The following TENM2 variants were observed in gnomAD, a reference collection of about 807,000 sequenced individuals.
The protein encoded by TENM2 is teneurin-2.
A neutral mutation model predicts 245.2 loss-of-function variants in TENM2; 52 were observed. The observed-to-expected ratio is 0.21, with a 90% confidence interval of 0.17 to 0.27. The LOEUF is 0.27. TENM2 is among the 10% of genes least tolerant of loss of function. TENM2 has a pLI of 1.00. For missense variants in TENM2, 3,046 were observed against 3,666.8 expected (o/e 0.83, Z 4.37); for synonymous variants, 1,363 against 1,438.9 (o/e 0.95, Z 1.19).
At chr5:167,411,339 T>C (rs1762895766) in intron 2 of TENM2, among the ~76,000 whole-genome samples, 1 of 152,154 alleles carries the variant, frequency 6.6e-6, no homozygotes, top group Non-Finnish European at 1.5e-5. Flanking sequence ...TACAAATTCC[T>C]TTGCCCAATA....
intron 5 of TENM2, among the ~76,000 whole-genome samples, chr5:168,036,121 T>G (rs1787641359): frequency 6.6e-6 from 1 of 152,084 alleles, no homozygotes; most frequent in Non-Finnish European, 1.5e-5. Flanking sequence ...AGGCCTGGCT[T>G]GGGGATTTCC....
At chr5:168,245,245 T>C (rs1028262015) in intron 26 of TENM2, among the ~76,000 whole-genome samples, 5 of 147,858 alleles carry the variant, frequency 3.4e-5, no homozygotes, top group Admixed American at 1.3e-4. Flanking sequence ...GCGGGGGTGC[T>C]AGACGCTCAG....
chr5:167,100,616 C>T, the TENM2 span, among the ~76,000 whole-genome samples: 1 of 151,978 alleles, frequency 6.6e-6, no homozygotes, highest in East Asian at 1.9e-4. Context: ...TTCCATCTTT[C>T]TTGCCACCCC....
At chr5:167,652,058 C>T (rs1187528005) in intron 2 of TENM2, among the ~76,000 whole-genome samples, 1 of 152,164 alleles carries the variant, frequency 6.6e-6, no homozygotes, top group Non-Finnish European at 1.5e-5. Context: ...TTCTCTTTCC[C>T]TTGCTATCTT....
At chr5:167,488,335 A>G (rs1768214498) in intron 2 of TENM2, among the ~76,000 whole-genome samples, 1 of 152,200 alleles carries the variant, frequency 6.6e-6, no homozygotes, top group African/African-American at 2.4e-5. Flanking sequence ...ACACTCCAGT[A>G]AAGCTTTAGA....
intron 2 of TENM2, among the ~76,000 whole-genome samples, chr5:167,498,031 A>T (rs1487295899): frequency 1.3e-5 from 2 of 152,058 alleles, no homozygotes; most frequent in African/African-American, 2.4e-5. Flanking sequence ...CTTTGTGGGG[A>T]CTGACCAAAG....
At chr5:167,418,466 T>C (rs1206413820) in intron 2 of TENM2, among the ~76,000 whole-genome samples, 1 of 152,186 alleles carries the variant, frequency 6.6e-6, no homozygotes, top group African/African-American at 2.4e-5. Flanking sequence ...TGTTGCTATA[T>C]TATATTTTAA....
intron 2 of TENM2, among the ~76,000 whole-genome samples, chr5:167,574,716 T>A (rs1582427872): frequency 6.6e-6 from 1 of 152,322 alleles, no homozygotes; most frequent in South Asian, 2.1e-4. Context: ...AGGTGCTGTT[T>A]GATAAACCTT....
chr5:167,762,197 A>T (rs1274014241), intron 2 of TENM2, among the ~76,000 whole-genome samples: 1 of 152,072 alleles, frequency 6.6e-6, no homozygotes, highest in Non-Finnish European at 1.5e-5. Flanking sequence ...ATGGATACGC[A>T]GCTCTAAGGT....
chr5:167,322,954 T>C lies in TENM2; in HGVS notation c.226+37891T>C, dbSNP rs77264013. Among the ~76,000 whole-genome samples the C allele has an allele frequency of 3.4e-3, 518 of 152,326 alleles. 1 individual carries two copies. The highest frequency in any genetic ancestry group is 5.7e-3 in the Non-Finnish European group (385 of 68,034). On this transcript the variant is annotated intron_variant, in intron 1 of 28. Coordinates refer to ENST00000518659, the Ensembl canonical transcript of TENM2. Reference sequence around the variant, plus strand: ...CCTTTAGCAATTATAATTCACAGAATAGAAATAGTCATGTGCTATTATTAT... The same window carrying C: ...CCTTTAGCAATTATAATTCACAGAACAGAAATAGTCATGTGCTATTATTAT...
intron 2 of TENM2, among the ~76,000 whole-genome samples, chr5:167,570,920 G>A (rs1263745573): frequency 1.3e-5 from 2 of 152,242 alleles, no homozygotes. Flanking sequence ...TTGGAGAAAG[G>A]GCTTGCTTCG....
At chr5:167,239,687 A>G in the TENM2 span, among the ~76,000 whole-genome samples, 3 of 152,264 alleles carry the variant, frequency 2.0e-5, no homozygotes, top group Admixed American at 6.5e-5. Context: ...AATAAAGAAC[A>G]TCTCTCAATA....
intron 9 of TENM2, among the ~76,000 whole-genome samples, chr5:168,098,943 A>G (rs867240958): frequency 2.0e-5 from 3 of 152,012 alleles, no homozygotes; most frequent in African/African-American, 7.2e-5. Flanking sequence ...ATAGAGTCTC[A>G]CTGTCGCCCA....
intron 2 of TENM2, among the ~76,000 whole-genome samples, chr5:167,825,247 C>T (rs1458268074): frequency 3.3e-5 from 5 of 151,626 alleles, no homozygotes; most frequent in Non-Finnish European, 7.4e-5. Context: ...CAGATCACAG[C>T]TAATGAGTAC....
the TENM2 span, among the ~76,000 whole-genome samples, chr5:167,158,846 C>CCCTTCCTT: frequency 0.092 from 7,942 of 85,862 alleles, 625 homozygotes; most frequent in South Asian, 0.12. Context: ...TCCATAGCAG[C>CCCTTCCTT]CCTTCCTTCC....
intron 2 of TENM2, among the ~76,000 whole-genome samples, chr5:167,712,153 G>T (rs923487071): frequency 2.0e-5 from 3 of 152,084 alleles, no homozygotes; most frequent in African/African-American, 7.2e-5. Flanking sequence ...CCCAAATGAT[G>T]CTTTACTTCC....
chr5:167,001,017 T>C, the TENM2 span, among the ~76,000 whole-genome samples: 1 of 152,194 alleles, frequency 6.6e-6, no homozygotes, highest in East Asian at 1.9e-4. Flanking sequence ...ATGCATTGGC[T>C]GATTGGTTTG....
At chr5:167,693,570 CA>C (rs1440372685) in intron 2 of TENM2, among the ~76,000 whole-genome samples, 1 of 138,662 alleles carries the variant, frequency 7.2e-6, no homozygotes, top group Non-Finnish European at 1.5e-5. Context: ...GGGTAACTGT[CA>C]TAATGCCAAA....
chr5:167,444,719 G>A (rs1207464006), intron 2 of TENM2, among the ~76,000 whole-genome samples: 1 of 152,112 alleles, frequency 6.6e-6, no homozygotes, highest in African/African-American at 2.4e-5. Context: ...AATATGATGG[G>A]AATCTGTGTC....
Sources: allele counts gnomAD v4.1 joint callset (sites outside exome capture counted in the v4.1 genomes callset), GRCh38; gene constraint gnomAD v4.1.1; transcripts MANE v1.5; gene names NCBI Gene and HGNC (gene_info 2026-07-23, HGNC 2026-07-21).